Variants in WWOX observed in about 807,000 individuals in gnomAD.
The protein encoded by WWOX is WW domain-containing oxidoreductase.
In WWOX, 69 loss-of-function variants were observed where a neutral mutation model predicts 46.2. The ratio of observed to expected loss-of-function variants is 1.49; its 90% confidence interval spans 1.23 to 1.82. WWOX has a LOEUF of 1.82. Ranked by LOEUF, WWOX falls within the 40% of genes most tolerant of loss-of-function variation. The pLI is 0.00. For missense variants in WWOX, 919 were observed against 542.6 expected (o/e 1.69, Z -6.89); for synonymous variants, 359 against 202.6 (o/e 1.77, Z -6.56).
At chr16:78,951,126 C>T (rs1004173364) in intron 8 of WWOX, among the ~76,000 whole-genome samples, 1 of 152,148 alleles carries the variant, frequency 6.6e-6, no homozygotes, top group Non-Finnish European at 1.5e-5. Flanking sequence ...CTTGCTTAGA[C>T]CAAAGATGGG....
intron 8 of WWOX, among the ~76,000 whole-genome samples, chr16:78,476,622 A>G (rs900500861): frequency 1.2e-5 from 1 of 85,544 alleles, no homozygotes; most frequent in Non-Finnish European, 2.2e-5. Flanking sequence ...TACATATTAA[A>G]AAAAAAAAGA....
At chr16:78,370,758 T>G (rs11862433) in intron 5 of WWOX, among the ~76,000 whole-genome samples, 2,008 of 136,970 alleles carry the variant, frequency 0.015, 46 homozygotes, top group African/African-American at 0.051. Context: ...CTATAAACTT[T>G]TAAACTTTAA....
intron 6 of WWOX, among the ~76,000 whole-genome samples, chr16:78,396,872 C>G (rs2082299811): frequency 6.6e-6 from 1 of 152,170 alleles, no homozygotes; most frequent in Non-Finnish European, 1.5e-5. Flanking sequence ...CCTAATAAAA[C>G]TTTATTTACA....
intron 4 of WWOX, among the ~76,000 whole-genome samples, chr16:78,156,920 G>A (rs2034626125): frequency 6.6e-6 from 1 of 152,152 alleles, no homozygotes; most frequent in Non-Finnish European, 1.5e-5. Flanking sequence ...GACAGAGTGA[G>A]ACTCTGTCTC....
intron 8 of WWOX, among the ~76,000 whole-genome samples, chr16:79,010,839 C>T (rs1470370465): frequency 6.6e-6 from 1 of 151,724 alleles, no homozygotes; most frequent in Non-Finnish European, 1.5e-5. Flanking sequence ...CAGTGACAGT[C>T]TGGTGGCCTG....
chr16:78,956,126 A>G (rs973101465), intron 8 of WWOX, among the ~76,000 whole-genome samples: 3 of 151,584 alleles, frequency 2.0e-5, no homozygotes, highest in Non-Finnish European at 4.4e-5. Context: ...CACTAGATCC[A>G]TGTATTTGTT....
At chr16:79,202,013 G>C (rs2051363218) in intron 8 of WWOX, among the ~76,000 whole-genome samples, 1 of 152,152 alleles carries the variant, frequency 6.6e-6, no homozygotes, top group Non-Finnish European at 1.5e-5. Flanking sequence ...GTAGAGCAGA[G>C]ATTGACAAAC....
At chr16:79,020,850 C>G (rs1208615842) in intron 8 of WWOX, among the ~76,000 whole-genome samples, 1 of 152,078 alleles carries the variant, frequency 6.6e-6, no homozygotes, top group Non-Finnish European at 1.5e-5. Context: ...TGGTTTAATT[C>G]TACCACAAAA....
At chr16:79,152,946 C>T (rs2050309947) in intron 8 of WWOX, among the ~76,000 whole-genome samples, 1 of 152,086 alleles carries the variant, frequency 6.6e-6, no homozygotes, top group African/African-American at 2.4e-5. Flanking sequence ...AAAGAGAGGA[C>T]TGCTCCTAGC....
chr16:78,975,237 C>A (rs903733553), intron 8 of WWOX, among the ~76,000 whole-genome samples: 2 of 152,150 alleles, frequency 1.3e-5, no homozygotes, highest in Non-Finnish European at 2.9e-5. Context: ...CAGATGGGAC[C>A]ACTTTTGCAC....
intron 8 of WWOX, among the ~76,000 whole-genome samples, chr16:79,120,059 C>A (rs1176115499): frequency 6.6e-6 from 1 of 152,192 alleles, no homozygotes; most frequent in African/African-American, 2.4e-5. Context: ...CAACTGCCTG[C>A]AGGAAGAGTG....
chr16:78,585,886 G>A (rs1189442131), intron 8 of WWOX, among the ~76,000 whole-genome samples: 3 of 151,886 alleles, frequency 2.0e-5, no homozygotes, highest in Non-Finnish European at 4.4e-5. Flanking sequence ...CTTCCAAGCT[G>A]CGCATCTTCC....
intron 8 of WWOX, among the ~76,000 whole-genome samples, chr16:78,712,251 C>G (rs2048459493): frequency 6.6e-6 from 1 of 152,072 alleles, no homozygotes; most frequent in Non-Finnish European, 1.5e-5. Context: ...CACCTGTAAT[C>G]CCAGCACTTT....
At chr16:79,054,881 G>A (rs1172177169) in intron 8 of WWOX, among the ~76,000 whole-genome samples, 1 of 152,142 alleles carries the variant, frequency 6.6e-6, no homozygotes, top group African/African-American at 2.4e-5. Context: ...TGAAGAAATT[G>A]TGTTATAAAA....
chr16:78,431,460 C>T (rs1219983196), intron 7 of WWOX, among the ~76,000 whole-genome samples: 1 of 152,096 alleles, frequency 6.6e-6, no homozygotes, highest in African/African-American at 2.4e-5. Flanking sequence ...CAAGCATTAG[C>T]TAAAATAATC....
chr16:78,893,220 C>G (rs1206243576), intron 8 of WWOX, among the ~76,000 whole-genome samples: 1 of 152,004 alleles, frequency 6.6e-6, no homozygotes, highest in African/African-American at 2.4e-5. Flanking sequence ...GGATGCCCCT[C>G]TTGACCATCT....
At chr16:78,382,635 G>C (rs2081978890) in intron 5 of WWOX, among the ~76,000 whole-genome samples, 1 of 152,224 alleles carries the variant, frequency 6.6e-6, no homozygotes, top group African/African-American at 2.4e-5. Context: ...AGCAGGCTCT[G>C]ACTGAACGAG....
intron 8 of WWOX, among the ~76,000 whole-genome samples, chr16:79,145,649 G>A (rs1207056639): frequency 2.0e-5 from 3 of 152,216 alleles, no homozygotes; most frequent in South Asian, 2.1e-4. Flanking sequence ...TTAAGTAATG[G>A]GATGAAACCA....
chr16:78,569,071 G>T (rs1342955489), intron 8 of WWOX, among the ~76,000 whole-genome samples: 3 of 152,230 alleles, frequency 2.0e-5, no homozygotes, highest in East Asian at 3.9e-4. Context: ...GCTCATTACA[G>T]GCCACTCTGT....
Sources: allele counts gnomAD v4.1 joint callset (sites outside exome capture counted in the v4.1 genomes callset), GRCh38; gene constraint gnomAD v4.1.1; transcripts MANE v1.5; gene names NCBI Gene and HGNC (gene_info 2026-07-23, HGNC 2026-07-21).